Variants in MAGI3 observed in about 807,000 individuals in gnomAD.
MAGI3 encodes membrane-associated guanylate kinase, WW and PDZ domain-containing protein 3.
Under a neutral mutation model 121.8 loss-of-function variants are expected in MAGI3, and 43 were observed. The observed-to-expected ratio is 0.35, with a 90% confidence interval of 0.28 to 0.46. The LOEUF (loss-of-function observed/expected upper bound fraction) is 0.46. Ranked by LOEUF, MAGI3 falls within the 20% of genes least tolerant of loss-of-function variation. The pLI is 1.00. For missense variants in MAGI3, 1,547 were observed against 1,797.3 expected, an observed-to-expected ratio of 0.86 and a Z score of 2.52; for synonymous variants, 553 against 639.3, an observed-to-expected ratio of 0.86 and a Z score of 2.04.
At chr1:113,405,874 T>C (rs1651656041) in intron 1 of MAGI3, among the ~76,000 whole-genome samples, 1 of 152,160 alleles carries the variant, frequency 6.6e-6, no homozygotes, top group South Asian at 2.1e-4. Flanking sequence ...ACTTCTCCAT[T>C]GTGAGTTGTT....
intron 2 of MAGI3, among the ~76,000 whole-genome samples, chr1:113,550,878 C>T (rs1348786370): frequency 6.6e-6 from 1 of 150,778 alleles, no homozygotes; most frequent in African/African-American, 2.4e-5. Flanking sequence ...TTTTAGCTCC[C>T]AGTGCCTTGC....
chr1:113,609,545 A>G (rs1253907304), intron 6 of MAGI3, among the ~76,000 whole-genome samples: 1 of 152,138 alleles, frequency 6.6e-6, no homozygotes, highest in Admixed American at 6.5e-5. Context: ...TTTACCCTCA[A>G]CCCATCCCAT....
chr1:113,634,371 T>A (rs1230078016), intron 9 of MAGI3, among the ~76,000 whole-genome samples: 2 of 152,214 alleles, frequency 1.3e-5, no homozygotes. Flanking sequence ...TGGTTTTAGG[T>A]CTAACGTTTA....
intron 6 of MAGI3, among the ~76,000 whole-genome samples, chr1:113,596,950 C>T (rs1330793257): frequency 6.6e-6 from 1 of 152,002 alleles, no homozygotes; most frequent in Non-Finnish European, 1.5e-5. Flanking sequence ...TACCATATGA[C>T]CTAGTAAATT....
rs1648479272 is a variant in MAGI3 at position 113,685,321 on chromosome 1, G to C, written c.*1307G>C. The C allele has an allele frequency of 6.6e-6, 1 of 152,340 alleles. No individual in the cohort carries two copies. Among genetic ancestry groups the C allele is most frequent in the African/African-American group, 2.4e-5 (1 of 41,448 alleles). The allele number at this position is 152,340 out of a possible 1,614,324, so 9.4% of individuals were successfully genotyped here. ...CAGTTCCCTGAAGCAGCATTCAGTA[G>C]CATCTATATAAATAAAGGCACCTTC... On this transcript the variant is annotated 3_prime_UTR_variant, in exon 21 of 21. Coordinates refer to ENST00000307546, the MANE Select transcript of MAGI3 (RefSeq NM_001142782.2).
chr1:113,595,420 C>T (rs1249641581), intron 6 of MAGI3, among the ~76,000 whole-genome samples: 2 of 152,106 alleles, frequency 1.3e-5, no homozygotes, highest in Non-Finnish European at 2.9e-5. Flanking sequence ...ATAAAATTTG[C>T]ATTTTTGTAT....
At chr1:113,452,796 A>G (rs1169374945) in intron 1 of MAGI3, among the ~76,000 whole-genome samples, 3 of 152,194 alleles carry the variant, frequency 2.0e-5, no homozygotes, top group Non-Finnish European at 4.4e-5. Context: ...ATGAGGGGGA[A>G]ACAAGGAAAA....
intron 1 of MAGI3, among the ~76,000 whole-genome samples, chr1:113,496,477 A>G (rs1656923711): frequency 6.6e-6 from 1 of 152,240 alleles, no homozygotes; most frequent in African/African-American, 2.4e-5. Flanking sequence ...GTAAATCGGT[A>G]AATAGATTAC....
chr1:113,609,140 T>G (rs1436027137), intron 6 of MAGI3, among the ~76,000 whole-genome samples: 1 of 152,174 alleles, frequency 6.6e-6, no homozygotes, highest in African/African-American at 2.4e-5. Context: ...CTTTTCCACT[T>G]TCCTCTCTAC....
chr1:113,393,181 A>C (rs539841236), intron 1 of MAGI3, among the ~76,000 whole-genome samples: 31 of 152,186 alleles, frequency 2.0e-4, no homozygotes, highest in Admixed American at 7.9e-4. Context: ...GATTTAGAGC[A>C]TTAGTAATAT....
chr1:113,559,721 C>G (rs1367969359), intron 2 of MAGI3, among the ~76,000 whole-genome samples: 3 of 152,096 alleles, frequency 2.0e-5, no homozygotes, highest in African/African-American at 7.2e-5. Context: ...GTGCCCACCA[C>G]CACACTTGGC....
chr1:113,573,491 G>A (rs760857134), intron 2 of MAGI3, among the ~76,000 whole-genome samples: 47 of 152,120 alleles, frequency 3.1e-4, no homozygotes, highest in Non-Finnish European at 5.9e-4. Context: ...CAGTTTCTAA[G>A]TAGTTGTGCA....
At chr1:113,653,532 A>G (rs1241802147) in intron 14 of MAGI3, among the ~76,000 whole-genome samples, 1 of 151,944 alleles carries the variant, frequency 6.6e-6, no homozygotes, top group Non-Finnish European at 1.5e-5. Context: ...AGATCGCGCC[A>G]CTGCACTCCA....
chr1:113,676,648 A>G (rs1647882655), intron 19 of MAGI3, among the ~76,000 whole-genome samples: 1 of 152,122 alleles, frequency 6.6e-6, no homozygotes, highest in African/African-American at 2.4e-5. Flanking sequence ...CTAGTGCTCA[A>G]TAAAATGTTA....
In MAGI3 at chr1:113,390,898, C is replaced by T; in HGVS notation, c.-136C>T. 1.9e-6 allele frequency: 1 copy of T among 513,570 alleles called. No individual in the cohort carries two copies. Among genetic ancestry groups the T allele is most frequent in the East Asian group, 4.5e-5 (1 of 22,200 alleles). The allele number at this position is 513,570 out of a possible 1,614,324, so 31.8% of individuals were successfully genotyped here. A position where few individuals can be genotyped will look rare whatever the true frequency, so the allele number is the denominator to read the frequency against. On this transcript the variant is annotated 5_prime_UTR_variant, in exon 1 of 21. Transcript: ENST00000307546. ...CCGGGCCCCCAGCGGGCTGTGGTCGCGGGGTGGGGGCCGGAGCGGCGAGGC... is the reference window on the plus strand; with the variant it reads ...CCGGGCCCCCAGCGGGCTGTGGTCGTGGGGTGGGGGCCGGAGCGGCGAGGC...
intron 6 of MAGI3, among the ~76,000 whole-genome samples, chr1:113,606,177 G>T (rs1649762605): frequency 6.6e-6 from 1 of 151,976 alleles, no homozygotes; most frequent in Non-Finnish European, 1.5e-5. Flanking sequence ...ATGTTGGCCA[G>T]GCTGGTCTGA....
intron 1 of MAGI3, among the ~76,000 whole-genome samples, chr1:113,395,090 T>TTTTTG (rs1557732834): frequency 6.2e-5 from 1 of 16,098 alleles, no homozygotes; most frequent in Non-Finnish European, 1.1e-4. Context: ...TTTGTTAGTT[T>TTTTTG]TTTTTTTTTT....
At chr1:113,398,208 G>C (rs936808703) in intron 1 of MAGI3, among the ~76,000 whole-genome samples, 3 of 152,104 alleles carry the variant, frequency 2.0e-5, no homozygotes, top group African/African-American at 7.2e-5. Context: ...ACCTGAGAAA[G>C]GACACGCTGT....
intron 6 of MAGI3, among the ~76,000 whole-genome samples, chr1:113,598,775 G>A (rs953866888): frequency 3.3e-5 from 5 of 152,086 alleles, no homozygotes; most frequent in Non-Finnish European, 5.9e-5. Flanking sequence ...CATTGGAGCA[G>A]AAAATCAGCA....
Sources: allele counts gnomAD v4.1 joint callset (sites outside exome capture counted in the v4.1 genomes callset), GRCh38; gene constraint gnomAD v4.1.1; transcripts MANE v1.5; gene names NCBI Gene and HGNC (gene_info 2026-07-23, HGNC 2026-07-21).